Variants in CLASP2 observed in about 807,000 individuals in gnomAD.
The protein encoded by CLASP2 is CLIP-associating protein 2.
A neutral mutation model predicts 194.4 loss-of-function variants in CLASP2; 47 were observed. The ratio of observed to expected loss-of-function variants is 0.24; its 90% CI spans 0.19 to 0.31. The LOEUF (loss-of-function observed/expected upper bound fraction) is 0.31, where lower values mean the gene tolerates loss of function less well. Ranked by LOEUF, CLASP2 falls within the 10% of genes least tolerant of loss-of-function variation. The pLI is 1.00. For synonymous variants in CLASP2, 619 were observed against 633.5 expected (o/e 0.98, Z 0.34); for missense variants, 1,445 against 1,823.6 (o/e 0.79, Z 3.78).
chr3:33,640,983 A>G (rs1371715028), intron 8 of CLASP2, among the ~76,000 whole-genome samples: 1 of 152,060 alleles, frequency 6.6e-6, no homozygotes, highest in East Asian at 1.9e-4. Context: ...AACCTTATTT[A>G]CCAATAGAAA....
At chr3:33,533,172 T>C (rs946761368) in intron 34 of CLASP2, among the ~76,000 whole-genome samples, 1 of 152,222 alleles carries the variant, frequency 6.6e-6, no homozygotes, top group African/African-American at 2.4e-5. Flanking sequence ...ACCAGGCTGT[T>C]GCTACTACAT....
intron 38 of CLASP2, among the ~76,000 whole-genome samples, chr3:33,499,082 G>A (rs1208087109): frequency 2.0e-5 from 3 of 152,094 alleles, no homozygotes; most frequent in Non-Finnish European, 4.4e-5. Flanking sequence ...TGTTGGGGGA[G>A]GGTCCTTGTG....
Position 33,570,795 on chromosome 3 carries a change from C to A in CLASP2, c.2700-5G>T. The A allele has an allele frequency of 6.3e-7, 1 of 1,575,166 alleles. No homozygotes were observed. Among genetic ancestry groups the A allele is most frequent in the Non-Finnish European group, 8.6e-7 (1 of 1,159,722 alleles). On this transcript the variant is annotated splice_region_variant and splice_polypyrimidine_tract_variant and intron_variant, in intron 25 of 38. Coordinates refer to ENST00000682230, the MANE Select transcript of CLASP2 (RefSeq NM_001365631.1). ...AATCTTTTCAGTTCAACTCGACTGC[C>A]AAGATAATACAGCGGTTAATTAATA... is the stretch of plus-strand genomic sequence containing the variant.
At chr3:33,509,852 A>G (rs1310707302) in intron 37 of CLASP2, among the ~76,000 whole-genome samples, 2 of 152,216 alleles carry the variant, frequency 1.3e-5, no homozygotes, top group Non-Finnish European at 2.9e-5. Context: ...ATCTATGACT[A>G]TAAATTAGTA....
At chr3:33,679,031 T>C (rs72858356) in intron 6 of CLASP2, among the ~76,000 whole-genome samples, 8,310 of 152,246 alleles carry the variant, frequency 0.055, 590 homozygotes, top group African/African-American at 0.17. Context: ...ACGGGCAGTG[T>C]AGTATTAGTG....
chr3:33,533,749 C>G (rs1180382554), intron 34 of CLASP2, among the ~76,000 whole-genome samples: 2 of 152,142 alleles, frequency 1.3e-5, no homozygotes, highest in Non-Finnish European at 2.9e-5. Flanking sequence ...GGGTCTCACT[C>G]TGTTGCCCAG....
intron 27 of CLASP2, among the ~76,000 whole-genome samples, chr3:33,561,701 A>G (rs972417968): frequency 1.2e-4 from 19 of 152,168 alleles, no homozygotes; most frequent in Non-Finnish European, 1.5e-5. Context: ...AAAAATTATT[A>G]TAGTGAAGGG....
intron 18 of CLASP2, among the ~76,000 whole-genome samples, chr3:33,597,003 G>C (rs1462597204): frequency 6.6e-6 from 1 of 152,154 alleles, no homozygotes; most frequent in Non-Finnish European, 1.5e-5. Context: ...TGAGGCCCAT[G>C]TCCCAGCTTT....
intron 7 of CLASP2, among the ~76,000 whole-genome samples, chr3:33,645,970 AC>A (rs2082213939): frequency 7.4e-6 from 1 of 135,398 alleles, no homozygotes; most frequent in African/African-American, 2.8e-5. Context: ...ACACACACAC[AC>A]ACACAATGTA....
At chr3:33,509,994 A>G (rs1426209624) in intron 37 of CLASP2, among the ~76,000 whole-genome samples, 1 of 152,246 alleles carries the variant, frequency 6.6e-6, no homozygotes, top group African/African-American at 2.4e-5. Flanking sequence ...CCAAATATTT[A>G]TCAACAGATG....
chr3:33,576,154 A>T lies in CLASP2; in HGVS notation c.2454+15T>A, dbSNP rs771320909. The T allele has an allele frequency of 4.8e-5, 76 of 1,595,498 alleles. No homozygotes were observed. The highest frequency in any genetic ancestry group is 6.3e-5 in the Non-Finnish European group (73 of 1,163,554). On this transcript the variant is annotated intron_variant, in intron 24 of 38. Coordinates refer to ENST00000682230, the MANE Select transcript of CLASP2 (RefSeq NM_001365631.1). ...ATTGGAACATTTATAATGATAAGAA[A>T]ATGGAGAAGAGTACCAAGGCATCTG... is the stretch of plus-strand genomic sequence containing the variant.
rs1560083785 is a variant in CLASP2 at position 33,570,809 on chromosome 3, GGTTA to G, written c.2700-23_2700-20del. On this transcript the variant is annotated intron_variant, in intron 25 of 38. Coordinates refer to ENST00000682230, the MANE Select transcript of CLASP2 (RefSeq NM_001365631.1). ...AACTCGACTGCCAAGATAATACAGC[GGTTA>G]ATTAATATCTTGCTGTAGCAAGAAG... The G allele has an allele frequency of 6.4e-7, 1 of 1,556,124 alleles. No individual in the cohort carries two copies. Among genetic ancestry groups the G allele is most frequent in the Non-Finnish European group, 8.7e-7 (1 of 1,148,284 alleles).
chr3:33,703,478 AG>A (rs1480530989), intron 1 of CLASP2, among the ~76,000 whole-genome samples: 2 of 152,186 alleles, frequency 1.3e-5, no homozygotes, highest in African/African-American at 4.8e-5. Context: ...AGGGAGAGAG[AG>A]GAACTCTCAT....
At chr3:33,623,018 A>G (rs1462212591) in intron 10 of CLASP2, among the ~76,000 whole-genome samples, 1 of 152,184 alleles carries the variant, frequency 6.6e-6, no homozygotes, top group African/African-American at 2.4e-5. Flanking sequence ...TGTGTTGGCC[A>G]GGCTGATCTC....
chr3:33,700,665 G>A (rs2092312661), intron 1 of CLASP2, among the ~76,000 whole-genome samples: 1 of 151,846 alleles, frequency 6.6e-6, no homozygotes, highest in Non-Finnish European at 1.5e-5. Context: ...AACCAACATG[G>A]TAAAACTCTG....
At chr3:33,644,395 C>G (rs1451094835) in intron 8 of CLASP2, 1 of 270,322 alleles carries the variant, frequency 3.7e-6, no homozygotes, top group Non-Finnish European at 7.2e-6. Context: ...TTACATAATT[C>G]AACATTTCTG....
chr3:33,694,531 T>C (rs916095541), intron 2 of CLASP2, among the ~76,000 whole-genome samples: 2 of 152,132 alleles, frequency 1.3e-5, no homozygotes, highest in South Asian at 4.1e-4. Flanking sequence ...AATGCTGAAA[T>C]TGAGCCAGTT....
chr3:33,537,795 A>G lies in CLASP2; in HGVS notation c.3558+994T>C, dbSNP rs1471847027. Among the ~76,000 whole-genome samples, 8 of 152,176 alleles carry G rather than the reference A, an allele frequency of 5.3e-5. 1 individual carries two copies. The highest frequency in any genetic ancestry group is 4.6e-4 in the Admixed American group (7 of 15,278). ...GCATAAACTGACAATGCAAATTACT[A>G]TCACTACACCTAACAGGCAAAAAAA... On this transcript the variant is annotated intron_variant, in intron 33 of 38. Coordinates refer to ENST00000682230, the MANE Select transcript of CLASP2 (RefSeq NM_001365631.1).
intron 9 of CLASP2, among the ~76,000 whole-genome samples, chr3:33,631,423 T>C (rs2154292856): frequency 6.6e-6 from 1 of 152,240 alleles, no homozygotes; most frequent in South Asian, 2.1e-4. Flanking sequence ...CAGGCTGGTG[T>C]GGTGGCTCAC....
Sources: allele counts gnomAD v4.1 joint callset (sites outside exome capture counted in the v4.1 genomes callset), GRCh38; gene constraint gnomAD v4.1.1; transcripts MANE v1.5; gene names NCBI Gene and HGNC (gene_info 2026-07-23, HGNC 2026-07-21).